The following GCM1 variants were observed in gnomAD, a reference collection of about 807,000 sequenced individuals.
GCM1 encodes the protein chorion-specific transcription factor GCMa.
In GCM1, 2 loss-of-function variants were observed where a neutral mutation model predicts 25.7. The observed-to-expected ratio is 0.08, with a 90% CI of 0.03 to 0.24. The LOEUF (loss-of-function observed/expected upper bound fraction) is 0.24, where lower values mean the gene tolerates loss of function less well. Ranked by LOEUF, GCM1 falls within the 10% of genes least tolerant of loss-of-function variation. GCM1 has a pLI of 1.00. For missense variants in GCM1, 395 were observed against 538.7 expected, an observed-to-expected ratio of 0.73 and a Z score of 2.64; for synonymous variants, 183 against 195.7, an observed-to-expected ratio of 0.94 and a Z score of 0.54.
At chr6:53,139,907 A>G (rs898504898) in intron 2 of GCM1, among the ~76,000 whole-genome samples, 1 of 152,110 alleles carries the variant, frequency 6.6e-6, no homozygotes, top group African/African-American at 2.4e-5. Context: ...AAAGTTCCTT[A>G]TTTACTCTGA....
chr6:53,129,356 C>A (rs1763692634), intron 5 of GCM1, among the ~76,000 whole-genome samples: 1 of 151,628 alleles, frequency 6.6e-6, no homozygotes, highest in Non-Finnish European at 1.5e-5. Context: ...CTCACTGCAA[C>A]CTCTGCCTCC....
intron 3 of GCM1, 83 bp downstream of exon 3, chr6:53,133,989 C>T (rs1763762533): frequency 3.7e-6 from 5 of 1,346,620 alleles, no homozygotes; most frequent in Non-Finnish European, 4.1e-6. Flanking sequence ...TGCCCTTGGG[C>T]GGTGCTGGGA....
Position 53,145,626 on chromosome 6 carries a change from G to C in GCM1, c.7C>G (p.Pro3Ala). 1 of 1,593,038 alleles carries C rather than the reference G, an allele frequency of 6.3e-7. No homozygotes were observed. Among genetic ancestry groups the C allele is most frequent in the Non-Finnish European group, 8.6e-7 (1 of 1,161,060 alleles). ...TTGTCTTCAGAATCAAAGTCGTCAG[G>C]TTCCATGATAAGGTCAGGCCAGCCA... Reference protein sequence around the residue: MEPDDFDSEDKEI... With the variant: MEADDFDSEDKEI... Residue 3 changes from proline to alanine, a missense_variant, in exon 2 of 6, where the codon CCT becomes GCT. Physicochemically the swap from Pro to Ala is conservative, Grantham distance 27. Coordinates refer to ENST00000259803, the MANE Select transcript of GCM1 (RefSeq NM_003643.4).
At position 53,131,973 on chromosome 6, in the gene GCM1, T is replaced by C. The variant is rs768306040; in HGVS notation, c.441+34A>G. ...AGCCTCTGGTGAAACTCCTCAGTAA[T>C]GAAACTCTCACGTAACTAACTCAAA... On this transcript the variant is annotated intron_variant, in intron 4 of 5. Transcript: ENST00000259803. 1.3e-5 allele frequency: 15 copies of C among 1,191,150 alleles called. No individual in the cohort carries two copies. In the Admixed American group the frequency reaches 1.5e-4, roughly 12 times the overall value. The allele number at this position is 1,191,150 out of a possible 1,614,324, so 73.8% of individuals were successfully genotyped here.
chr6:53,130,892 A>C lies in GCM1; in HGVS notation c.481T>G (p.Leu161Val). 6.2e-7 allele frequency: 1 copy of C among 1,613,884 alleles called. No homozygotes were observed. Among genetic ancestry groups the C allele is most frequent in the South Asian group, 1.1e-5 (1 of 91,076 alleles). The change falls in exon 5 of 6, where the codon TTA becomes GTA. Residue 161 changes from leucine (L) to valine (V), a missense_variant. Physicochemically the swap from Leu to Val is conservative, Grantham distance 32. Coordinates refer to ENST00000259803, the MANE Select transcript of GCM1 (RefSeq NM_003643.4). ...EHDHPKPETK[L>V]EAEARRAMKK... is the part of the protein sequence containing the mutation. ...ATGGCTCTTCTTGCCTCAGCTTCTA[A>C]CTTGGTTTCTGGTTTTGGATGATCA...
At chr6:53,146,130 G>A (rs1297351445) in intron 1 of GCM1, among the ~76,000 whole-genome samples, 1 of 151,034 alleles carries the variant, frequency 6.6e-6, no homozygotes, top group African/African-American at 2.4e-5. Context: ...ATTAGCTAAT[G>A]TGTGGTTGAA....
chr6:53,129,439 A>C (rs1763693299), intron 5 of GCM1, among the ~76,000 whole-genome samples: 1 of 151,952 alleles, frequency 6.6e-6, no homozygotes, highest in South Asian at 2.1e-4. Flanking sequence ...ACGCCCAGCT[A>C]ATTTTTGTAT....
At chr6:53,139,958 C>T (rs1416876040) in intron 2 of GCM1, among the ~76,000 whole-genome samples, 18 of 152,142 alleles carry the variant, frequency 1.2e-4, no homozygotes, top group South Asian at 2.1e-4. Flanking sequence ...TTTCAAACCC[C>T]GTCTGTCTTC....
intron 4 of GCM1, among the ~76,000 whole-genome samples, chr6:53,131,742 G>A (rs190272437): frequency 1.3e-5 from 2 of 152,270 alleles, no homozygotes; most frequent in East Asian, 1.9e-4. Context: ...TGCAGCATGC[G>A]GCATGCTTAG....
At chr6:53,132,235 CAG>C in intron 3 of GCM1, 116 bp from the exon 4 acceptor site, 3 of 708,656 alleles carry the variant, frequency 4.2e-6, no homozygotes, top group Non-Finnish European at 7.5e-6. Flanking sequence ...TAAATCTGGG[CAG>C]AGTTTCATGG....
chr6:53,130,774 T>C (rs1763711958), intron 5 of GCM1, 29 bp downstream of exon 5: 1 of 1,600,748 alleles, frequency 6.2e-7, no homozygotes, highest in Non-Finnish European at 8.5e-7. Flanking sequence ...AGCTACTGCA[T>C]GTATTGAACA....
chr6:53,135,275 A>T (rs115989841), intron 2 of GCM1, among the ~76,000 whole-genome samples: 2,520 of 152,252 alleles, frequency 0.017, 67 homozygotes, highest in African/African-American at 0.056. Context: ...TAAGATGGTA[A>T]ATTTTAAGTT....
chr6:53,133,982 C>T (rs1013351015), intron 3 of GCM1, 90 bp downstream of exon 3: 1 of 1,302,456 alleles, frequency 7.7e-7, no homozygotes, highest in Non-Finnish European at 1.1e-6. Flanking sequence ...ATGGTTTTGC[C>T]CTTGGGCGGT....
chr6:53,144,914 CA>C (rs11286993), intron 2 of GCM1, among the ~76,000 whole-genome samples: 32,102 of 70,280 alleles, frequency 0.46, 3,702 homozygotes, highest in African/African-American at 0.5. Context: ...GACCCTACCT[CA>C]AAAAAAAAAA....
chr6:53,127,967 T>C lies in GCM1; in HGVS notation c.*239A>G, dbSNP rs917566505. ...TCACTCAAACCCGGGAGGCAGAGGT[T>C]GCAGTGAGCCGAGATGGCGCCACTG... is the stretch of plus-strand genomic sequence containing the variant. On this transcript the variant is annotated 3_prime_UTR_variant, in exon 6 of 6. Transcript: ENST00000259803. The C allele has an allele frequency of 3.6e-6, 1 of 279,742 alleles. No individual in the cohort carries two copies. The highest frequency in any genetic ancestry group is 6.1e-6 in the Non-Finnish European group (1 of 163,456). 17.3% of individuals were successfully genotyped at this position (279,742 alleles called of 1,614,324 possible).
chr6:53,130,385 C>T (rs1490322422), intron 5 of GCM1, among the ~76,000 whole-genome samples: 2 of 152,104 alleles, frequency 1.3e-5, no homozygotes, highest in East Asian at 3.8e-4. Context: ...CTTATTTCAT[C>T]TTGGTAGAGT....
At chr6:53,137,865 A>T (rs1396787544) in intron 2 of GCM1, among the ~76,000 whole-genome samples, 1 of 152,224 alleles carries the variant, frequency 6.6e-6, no homozygotes, top group Non-Finnish European at 1.5e-5. Flanking sequence ...TTGTGAGAAC[A>T]TCTCAGATGT....
intron 2 of GCM1, among the ~76,000 whole-genome samples, chr6:53,140,260 G>A (rs1395224667): frequency 6.6e-6 from 1 of 152,116 alleles, no homozygotes; most frequent in Non-Finnish European, 1.5e-5. Flanking sequence ...GATAATAATT[G>A]ACAAGAAATC....
chr6:53,129,953 T>C lies in GCM1; in HGVS notation c.570+850A>G, dbSNP rs1325781711. On this transcript the variant is annotated intron_variant, in intron 5 of 5. Transcript: ENST00000259803. ...CTCTTGTTTAGGTAAAACTACTAGC[T>C]GTTAAGGGGATACTTTTAGGGGGTA... is the stretch of plus-strand genomic sequence containing the variant. Among the ~76,000 whole-genome samples, 6 of 152,318 alleles carry C rather than the reference T, an allele frequency of 3.9e-5. No individual in the cohort carries two copies. In the South Asian group the frequency reaches 1.0e-3, roughly 26 times the overall value.
Sources: allele counts gnomAD v4.1 joint callset (sites outside exome capture counted in the v4.1 genomes callset), GRCh38; gene constraint gnomAD v4.1.1; transcripts MANE v1.5; gene names NCBI Gene and HGNC (gene_info 2026-07-23, HGNC 2026-07-21).